CCL5: variants seen among roughly 807,000 people sequenced by gnomAD.
The protein encoded by CCL5 is C-C motif chemokine ligand 5.
In CCL5, 5 loss-of-function variants were observed where a neutral mutation model predicts 9.0. The ratio of observed to expected loss-of-function variants is 0.55; its 90% CI spans 0.29 to 1.16. The LOEUF (loss-of-function observed/expected upper bound fraction) is 1.16. Among genes scored for constraint, CCL5 ranks in the 50% most tolerant of loss-of-function variants. The pLI, the probability that CCL5 is intolerant of heterozygous loss-of-function variation, is 0.08. For missense variants in CCL5, 183 were observed against 183.2 expected, an observed-to-expected ratio of 1.00 and a Z score of 0.01; for synonymous variants, 66 against 72.0, an observed-to-expected ratio of 0.92 and a Z score of 0.42.
chr17:35,875,504 A>G, intron 3 of CCL5: 1 of 779,078 alleles, frequency 1.3e-6, no homozygotes, highest in Non-Finnish European at 1.6e-6. Flanking sequence ...CTGGCCTCTC[A>G]TACTTTCTAG....
intron 1 of CCL5, 72 bp from the exon 2 acceptor site, chr17:35,878,711 T>C: frequency 1.2e-6 from 1 of 819,180 alleles, no homozygotes; most frequent in Admixed American, 2.4e-5. Flanking sequence ...TGCTGGACAC[T>C]TTATATGATT....
In CCL5 at chr17:35,872,365, G is replaced by C; in HGVS notation, c.370C>G (p.Leu124Val). Residue 124 changes from leucine to valine, a missense_variant, in exon 4 of 4, where the codon CTT becomes GTT. By Grantham distance (32) the Leu-to-Val change is conservative (BLOSUM62 1). Coordinates refer to ENST00000651122, the MANE Select transcript of CCL5 (RefSeq NM_001278736.2). ...CAAATTTGTGTAAGTTCAGGTTCAA[G>C]GACTCTCCATCCTAGCTCATCTCCA... 1 of 1,613,374 alleles carries C rather than the reference G, an allele frequency of 6.2e-7. No individual in the cohort carries two copies. Among genetic ancestry groups the C allele is most frequent in the East Asian group, 2.2e-5 (1 of 44,812 alleles).
At chr17:35,878,437 G>C in intron 2 of CCL5, 91 bp downstream of exon 2, 1 of 826,062 alleles carries the variant, frequency 1.2e-6, no homozygotes, top group Non-Finnish European at 2.1e-6. Flanking sequence ...GCTGCTTGCA[G>C]CTGGAGGATA....
intron 3 of CCL5, among the ~76,000 whole-genome samples, chr17:35,873,318 G>A (rs1285770562): frequency 6.6e-6 from 1 of 152,030 alleles, no homozygotes; most frequent in African/African-American, 2.4e-5. Flanking sequence ...CTCCTGAGTA[G>A]TTGGGACTAT....
chr17:35,872,234 T>G lies in CCL5; in HGVS notation c.*36A>C. 1 of 1,438,184 alleles carries G rather than the reference T, an allele frequency of 7.0e-7. No individual in the cohort carries two copies. The highest frequency in any genetic ancestry group is 9.2e-7 in the Non-Finnish European group (1 of 1,084,550). 89.1% of individuals were successfully genotyped at this position (1,438,184 alleles called of 1,614,324 possible). A position where few individuals can be genotyped will look rare whatever the true frequency, so the allele number is the denominator to read the frequency against. ...CACCACGTCCAGCCTGGGGAAGGTT[T>G]TTGTAACTGCTGCTGTGTGGTAGAA... On this transcript the variant is annotated 3_prime_UTR_variant, in exon 4 of 4. Coordinates refer to ENST00000651122, the MANE Select transcript of CCL5 (RefSeq NM_001278736.2).
In CCL5 at chr17:35,878,613, A is replaced by C; in HGVS notation, c.103T>G (p.Phe35Val). 1 of 1,613,766 alleles carries C rather than the reference A, an allele frequency of 6.2e-7. No individual in the cohort carries two copies. The highest frequency in any genetic ancestry group is 1.1e-5 in the South Asian group (1 of 91,018). The change falls in exon 2 of 4, where the codon TTT (phenylalanine) becomes GTT (valine). Residue 35 changes from phenylalanine to valine, a missense_variant. By Grantham distance (50) the Phe-to-Val change is conservative. Coordinates refer to ENST00000651122, the MANE Select transcript of CCL5 (RefSeq NM_001278736.2). ...GGCAGTGGGCGGGCAATGTAGGCAA[A>C]GCAGCAGGGTGTGGTGTCCGAGGAA... is the stretch of plus-strand genomic sequence containing the variant.
intron 3 of CCL5, 38 bp from the exon 3 acceptor site, chr17:35,872,502 G>C: frequency 6.3e-7 from 1 of 1,578,040 alleles, no homozygotes; most frequent in Non-Finnish European, 8.7e-7. Flanking sequence ...ATGAGACCTT[G>C]TCAGTACCGG....
chr17:35,875,092 C>A (rs2088426001), intron 3 of CCL5, among the ~76,000 whole-genome samples: 1 of 151,184 alleles, frequency 6.6e-6, no homozygotes, highest in Non-Finnish European at 1.5e-5. Context: ...CAAATATGTT[C>A]TGATGTGCTA....
At position 35,872,404 on chromosome 17, in the gene CCL5, C is replaced by A. The variant is rs966329985; in HGVS notation, c.331G>T (p.Val111Leu). The A allele has an allele frequency of 1.5e-5, 24 of 1,613,960 alleles. No homozygotes were observed. Among genetic ancestry groups the A allele is most frequent in the Non-Finnish European group, 2.0e-5 (24 of 1,180,002 alleles). Residue 111 changes from valine to leucine, a missense_variant, in exon 4 of 4, where the codon GTA becomes TTA. Coordinates refer to ENST00000651122, the MANE Select transcript of CCL5 (RefSeq NM_001278736.2). ...AGCTCATCTCCAAAGAGTTGATGTACTCCCGAACCCATTTCTTCTCTGGGT... is the reference window on the plus strand; with the variant it reads ...AGCTCATCTCCAAAGAGTTGATGTAATCCCGAACCCATTTCTTCTCTGGGT...
At chr17:35,878,190 G>A (rs754934006) in intron 2 of CCL5, among the ~76,000 whole-genome samples, 2 of 150,114 alleles carry the variant, frequency 1.3e-5, no homozygotes, top group Non-Finnish European at 2.9e-5. Context: ...GGCTGAGGCA[G>A]GAGAATGGCA....
rs1200775586 is a variant in CCL5, at chr17:35,871,977, AG to A, written c.*292del. 3 of 136,686 alleles carry A rather than the reference AG, an allele frequency of 2.2e-5. No individual in the cohort carries two copies. Among genetic ancestry groups the A allele is most frequent in the Non-Finnish European group, 4.5e-5 (3 of 66,530 alleles). The allele number at this position is 136,686 out of a possible 1,614,324, so 8.5% of individuals were successfully genotyped here. A position where few individuals can be genotyped will look rare whatever the true frequency, so the allele number is the denominator to read the frequency against. On this transcript the variant is annotated 3_prime_UTR_variant, in exon 4 of 4. Transcript: ENST00000651122. ...CGCTCTGTCGCCCAGGCTGGAGTGC[AG>A]TGGCGCGATCTCGGCTCACTGCAAG...
chr17:35,876,795 G>C (rs2088446622), intron 2 of CCL5, among the ~76,000 whole-genome samples: 1 of 152,152 alleles, frequency 6.6e-6, no homozygotes, highest in South Asian at 2.1e-4. Context: ...TAGAATCCTG[G>C]GGGACAGTCC....
At chr17:35,878,885 C>T (rs2088477795) in intron 1 of CCL5, among the ~76,000 whole-genome samples, 1 of 152,142 alleles carries the variant, frequency 6.6e-6, no homozygotes, top group African/African-American at 2.4e-5. Context: ...CTGCCCTGGG[C>T]TTTCAGGGCC....
At chr17:35,878,495 G>T in intron 2 of CCL5, 33 bp downstream of exon 2, 1 of 1,466,978 alleles carries the variant, frequency 6.8e-7, no homozygotes, top group Non-Finnish European at 9.6e-7. Context: ...CAGGGAACAG[G>T]CTCTGGGAGG....
At position 35,872,222 on chromosome 17, in the gene CCL5, C is replaced by T. The variant is rs2088377402; in HGVS notation, c.*48G>A. ...ACAGGCGTGAGCCACCACGTCCAGCCTGGGGAAGGTTTTTGTAACTGCTGC... is the reference window on the plus strand; with the variant it reads ...ACAGGCGTGAGCCACCACGTCCAGCTTGGGGAAGGTTTTTGTAACTGCTGC... On this transcript the variant is annotated 3_prime_UTR_variant, in exon 4 of 4. Transcript: ENST00000651122. The T allele has an allele frequency of 3.6e-6, 5 of 1,374,296 alleles. No homozygotes were observed. In the East Asian group the frequency reaches 1.3e-4, roughly 35 times the overall value. The allele number at this position is 1,374,296 out of a possible 1,614,324, so 85.1% of individuals were successfully genotyped here.
chr17:35,879,803 T>G (rs2144036799), intron 1 of CCL5, among the ~76,000 whole-genome samples: 1 of 152,268 alleles, frequency 6.6e-6, no homozygotes, highest in South Asian at 2.1e-4. Flanking sequence ...TTTTTTACAT[T>G]TATGAAATGA....
At chr17:35,880,182 A>G (rs780897249) in intron 1 of CCL5, 48 bp downstream of exon 1, 1 of 1,501,952 alleles carries the variant, frequency 6.7e-7, no homozygotes, top group African/African-American at 1.4e-5. Context: ...TAGGCATTCT[A>G]GGCAGAGTCT....
chr17:35,873,182 G>A (rs574025983), intron 3 of CCL5, among the ~76,000 whole-genome samples: 48 of 139,768 alleles, frequency 3.4e-4, no homozygotes, highest in Non-Finnish European at 5.0e-4. Flanking sequence ...GAGCCACGGC[G>A]CCTGGCCTCT....
intron 2 of CCL5, among the ~76,000 whole-genome samples, chr17:35,878,232 G>T (rs1054510902): frequency 7.2e-6 from 1 of 139,130 alleles, no homozygotes; most frequent in African/African-American, 2.7e-5. Flanking sequence ...GCAGTGAGCC[G>T]AGATCGTGCC....
Sources: allele counts gnomAD v4.1 joint callset (sites outside exome capture counted in the v4.1 genomes callset), GRCh38; gene constraint gnomAD v4.1.1; transcripts MANE v1.5; gene names NCBI Gene and HGNC (gene_info 2026-07-23, HGNC 2026-07-21).